The following HTT variants were observed in gnomAD, a reference collection of about 807,000 sequenced individuals.
HTT encodes the protein huntingtin.
Under a neutral mutation model 362.3 loss-of-function variants are expected in HTT, and 104 were observed. The observed-to-expected ratio is 0.29, with a 90% confidence interval of 0.24 to 0.34. The LOEUF (loss-of-function observed/expected upper bound fraction) is 0.34. Ranked by LOEUF, HTT falls within the 10% of genes least tolerant of loss-of-function variation. The pLI, the probability that HTT is intolerant of heterozygous loss-of-function variation, is 1.00. For synonymous variants in HTT, 1,577 were observed against 1,548.7 expected, an observed-to-expected ratio of 1.02 and a Z score of -0.43; for missense variants, 3,301 against 3,928.6, an observed-to-expected ratio of 0.84 and a Z score of 4.27.
At chr4:3,190,164 C>T (rs910528780) in intron 40 of HTT, among the ~76,000 whole-genome samples, 14 of 151,870 alleles carry the variant, frequency 9.2e-5, no homozygotes, top group East Asian at 5.8e-4. Flanking sequence ...AGCAACATAT[C>T]GAGACCCCTA....
chr4:3,083,940 G>A (rs1713061013), intron 1 of HTT, among the ~76,000 whole-genome samples: 2 of 152,150 alleles, frequency 1.3e-5, no homozygotes, highest in African/African-American at 2.4e-5. Context: ...AAAGGAATGA[G>A]CTACTGATAG....
In HTT at chr4:3,233,235, G is replaced by A. The variant is rs767357865; in HGVS notation, c.8338G>A (p.Val2780Ile). The A allele has an allele frequency of 2.3e-5, 37 of 1,608,800 alleles. No homozygotes were observed. Among genetic ancestry groups the A allele is most frequent in the Non-Finnish European group, 2.8e-5 (33 of 1,176,248 alleles). The change falls in exon 61 of 67, where the codon GTT (valine) becomes ATT (isoleucine). Residue 2780 changes from valine to isoleucine, a missense_variant. Transcript: ENST00000355072. Reference protein sequence around the residue: ...TLRSSHLPSRVGALHGVLYVL... With the variant: ...TLRSSHLPSRIGALHGVLYVL... ...CAGGAGCAGCCACCTGCCCAGCAGG[G>A]TTGGAGCCCTGCACGGCGTCCTCTA...
At chr4:3,129,087 T>G (rs919377934) in intron 12 of HTT, 2 of 152,274 alleles carry the variant, frequency 1.3e-5, no homozygotes, top group African/African-American at 4.8e-5. Context: ...ATGTTAGAAC[T>G]TCCTAATGTT....
At chr4:3,095,211 C>G (rs867603817) in intron 2 of HTT, among the ~76,000 whole-genome samples, 1 of 152,232 alleles carries the variant, frequency 6.6e-6, no homozygotes, top group African/African-American at 2.4e-5. Context: ...CCCGAGATCA[C>G]GCCACTGCAC....
At chr4:3,195,589 G>A (rs763371834) in intron 40 of HTT, among the ~76,000 whole-genome samples, 14 of 152,096 alleles carry the variant, frequency 9.2e-5, no homozygotes, top group East Asian at 1.9e-4. Flanking sequence ...AGGTTCCACC[G>A]AGAAGCATCT....
chr4:3,238,814 G>A lies in HTT; in HGVS notation c.9055-4G>A. The A allele has an allele frequency of 4.4e-6, 7 of 1,584,010 alleles. No individual in the cohort carries two copies. The highest frequency in any genetic ancestry group is 6.0e-6 in the Non-Finnish European group (7 of 1,164,184). The stretch of plus-strand genomic sequence containing the variant: ...ACACTCAGGCACCTGCTTGCTCCTT[G>A]CAGGTGTTTCAGACTCTGCACAGCA... On this transcript the variant is annotated splice_polypyrimidine_tract_variant and splice_region_variant and intron_variant, in intron 65 of 66. Coordinates refer to ENST00000355072, the MANE Select transcript of HTT (RefSeq NM_001388492.1).
chr4:3,123,486 C>A (rs1715384357), intron 10 of HTT: 1 of 152,184 alleles, frequency 6.6e-6, no homozygotes, highest in African/African-American at 2.4e-5. Context: ...TCTTTTCCAG[C>A]CTGGTCAACA....
intron 53 of HTT, 112 bp downstream of exon 53, chr4:3,220,420 T>C (rs758459598): frequency 1.2e-5 from 13 of 1,123,226 alleles, no homozygotes; most frequent in Admixed American, 2.2e-5. Context: ...GATTTAAGCA[T>C]GATAATAATA....
chr4:3,224,537 C>T (rs144509691), intron 56 of HTT, among the ~76,000 whole-genome samples: 8 of 152,330 alleles, frequency 5.3e-5, no homozygotes, highest in Admixed American at 1.3e-4. Flanking sequence ...GCACCCCGCT[C>T]CCTGCACCTC....
chr4:3,232,720 C>T (rs1721316139), intron 60 of HTT, among the ~76,000 whole-genome samples: 1 of 152,262 alleles, frequency 6.6e-6, no homozygotes, highest in Non-Finnish European at 1.5e-5. Flanking sequence ...TTCCAGAATC[C>T]TCTCCCAGCG....
At chr4:3,232,958 C>T (rs1181197197) in intron 60 of HTT, among the ~76,000 whole-genome samples, 1 of 152,260 alleles carries the variant, frequency 6.6e-6, no homozygotes, top group African/African-American at 2.4e-5. Flanking sequence ...ACAGGGAGCC[C>T]CTCCTCAGTG....
Position 3,214,021 on chromosome 4 carries a change from G to A in HTT, c.6838G>A (p.Asp2280Asn). ...PLSLDLQAGL[D>N]CCCLALQLPG... ...GAGTCTGGATCTCCAGGCAGGGCTGGACTGCTGCTGCCTGGCCCTGCAGCT... is the reference window on the plus strand; with the variant it reads ...GAGTCTGGATCTCCAGGCAGGGCTGAACTGCTGCTGCCTGGCCCTGCAGCT... Residue 2280 changes from aspartate (D) to asparagine (N), a missense_variant, in exon 50 of 67, where the codon GAC becomes AAC. Physicochemically the swap from Asp to Asn is conservative, Grantham distance 23 (BLOSUM62 1). This residue lies in a region of HTT where 220 missense variants were observed against 218.5 expected (regional missense o/e 1.01). Transcript: ENST00000355072. The A allele has an allele frequency of 6.2e-7, 1 of 1,609,026 alleles. No individual in the cohort carries two copies.
chr4:3,211,533 A>G (rs1265078992), intron 47 of HTT, among the ~76,000 whole-genome samples: 1 of 152,226 alleles, frequency 6.6e-6, no homozygotes, highest in Non-Finnish European at 1.5e-5. Flanking sequence ...TACGTATTTC[A>G]GCTGCATTTG....
In HTT at chr4:3,177,314, T is replaced by G; in HGVS notation, c.4408-18T>G. ...TTAATCCTATTATTGATGTGAAATT[T>G]TATTTTCCTTCCTGTAGGTGTTTAT... On this transcript the variant is annotated intron_variant, in intron 33 of 66. Transcript: ENST00000355072. The G allele has an allele frequency of 6.4e-7, 1 of 1,572,524 alleles. No individual in the cohort carries two copies.
intron 21 of HTT, among the ~76,000 whole-genome samples, chr4:3,139,857 T>TTGTTGA (rs76973364): frequency 0.073 from 11,101 of 152,254 alleles, 550 homozygotes; most frequent in African/African-American, 0.15. Flanking sequence ...TGTTCAGCAC[T>TTGTTGA]TGTTGATCAG....
intron 21 of HTT, among the ~76,000 whole-genome samples, chr4:3,139,924 A>G (rs363074): frequency 0.073 from 11,160 of 152,266 alleles, 565 homozygotes; most frequent in African/African-American, 0.15. Flanking sequence ...TTAATAGTGT[A>G]AATAGAAAGG....
At position 3,236,161 on chromosome 4, in the gene HTT, T is replaced by G; in HGVS notation, c.8798T>G (p.Val2933Gly). ...LTCMYTGKEK[V>G]SPGRTSDPNP... ...ACTTTTGTTACAGGAAAGGAGAAAG[T>G]CAGTCCGGGTAGAACTTCAGACCCT... The change falls in exon 64 of 67, where the codon GTC becomes GGC. Residue 2933 changes from valine to glycine, a missense_variant. Val to Gly is a moderately radical substitution (Grantham distance 109). Coordinates refer to ENST00000355072, the MANE Select transcript of HTT (RefSeq NM_001388492.1). 6.2e-7 allele frequency: 1 copy of G among 1,613,714 alleles called. No homozygotes were observed. The highest frequency in any genetic ancestry group is 8.5e-7 in the Non-Finnish European group (1 of 1,179,594).
intron 12 of HTT, 146 bp downstream of exon 12, chr4:3,127,750 G>A: frequency 4.7e-6 from 3 of 634,878 alleles, no homozygotes; most frequent in Non-Finnish European, 2.8e-6. Flanking sequence ...GATCACTTGA[G>A]GTCAGGAGTT....
chr4:3,074,744 C>G lies in HTT; in HGVS notation c.-82C>G. ...TCTGCTTTTACCTGCGGCCCAGAGCCCCATTCATTGCCCCGGTGCTGAGCG... is the reference window on the plus strand; with the variant it reads ...TCTGCTTTTACCTGCGGCCCAGAGCGCCATTCATTGCCCCGGTGCTGAGCG... On this transcript the variant is annotated 5_prime_UTR_variant, in exon 1 of 67. Coordinates refer to ENST00000355072, the MANE Select transcript of HTT (RefSeq NM_001388492.1). The G allele has an allele frequency of 7.1e-7, 1 of 1,407,854 alleles. No individual in the cohort carries two copies. Among genetic ancestry groups the G allele is most frequent in the Non-Finnish European group, 9.5e-7 (1 of 1,054,662 alleles). The allele number at this position is 1,407,854 out of a possible 1,614,324, so 87.2% of individuals were successfully genotyped here.
Sources: gnomAD v4.1 joint callset for allele counts (sites outside exome capture counted in the v4.1 genomes callset) on GRCh38, gnomAD v4.1.1 for gene constraint, gnomAD v4.1.1 regional missense constraint, MANE v1.5 for transcripts, NCBI Gene and HGNC (gene_info 2026-07-23, HGNC 2026-07-21) for gene names.